The following ASAH1 variants were observed in gnomAD, a reference collection of about 807,000 sequenced individuals.
ASAH1 encodes the protein N-acylsphingosine amidohydrolase 1, also known as acid ceramidase.
ASAH1 carries 70 observed loss-of-function variants against 59.5 expected under a neutral mutation model. The ratio of observed to expected loss-of-function variants is 1.18; its 90% CI spans 0.97 to 1.43. The LOEUF is 1.43. ASAH1 is among the 40% of genes most tolerant of loss of function. ASAH1 has a pLI of 0.00. For missense variants in ASAH1, 660 were observed against 482.5 expected, an observed-to-expected ratio of 1.37 and a Z score of -3.45; for synonymous variants, 213 against 166.5, an observed-to-expected ratio of 1.28 and a Z score of -2.15.
rs1799463626 is a variant in ASAH1 at position 18,056,224 on chromosome 8, T to C, written c.*1310A>G. On this transcript the variant is annotated 3_prime_UTR_variant, in exon 14 of 14. Coordinates refer to ENST00000637790, the MANE Select transcript of ASAH1 (RefSeq NM_177924.5). ...AGCACCACCTATCTGGGGGAAAAAC[T>C]GCCTTTAAACACCTGCAAATTGGGT... 1 of 152,206 alleles carries C rather than the reference T, an allele frequency of 6.6e-6. No homozygotes were observed. The highest frequency in any genetic ancestry group is 1.5e-5 in the Non-Finnish European group (1 of 68,038). The allele number at this position is 152,206 out of a possible 1,614,324, so 9.4% of individuals were successfully genotyped here.
intron 2 of ASAH1, among the ~76,000 whole-genome samples, chr8:18,071,903 A>G (rs1800192871): frequency 6.6e-6 from 1 of 152,172 alleles, no homozygotes; most frequent in African/African-American, 2.4e-5. Context: ...AGCTTCAAGA[A>G]CCTTCATGAT....
rs35514556 is a variant in ASAH1 at position 18,075,736 on chromosome 8, T to C, written c.79-149A>G. On this transcript the variant is annotated intron_variant, in intron 1 of 13. Coordinates refer to ENST00000637790, the MANE Select transcript of ASAH1 (RefSeq NM_177924.5). ...AATGCCTCTTAAAATAAGTCTTTTC[T>C]TTCCAAGAAAACTTCTAAAATCCTA... The C allele has an allele frequency of 0.092, 64,866 of 701,680 alleles. 3,536 individuals carry two copies. Among genetic ancestry groups the C allele is most frequent in the African/African-American group, 0.14 (7,729 of 55,470 alleles). The allele number at this position is 701,680 out of a possible 1,614,324, so 43.5% of individuals were successfully genotyped here.
intron 1 of ASAH1, among the ~76,000 whole-genome samples, chr8:18,080,931 T>C (rs1427725950): frequency 6.6e-6 from 1 of 152,152 alleles, no homozygotes; most frequent in African/African-American, 2.4e-5. Context: ...CTTTGCCTAG[T>C]TCTCTTTTCT....
rs1799477590 is a variant in ASAH1 at position 18,056,549 on chromosome 8, A to G, written c.*985T>C. The stretch of plus-strand genomic sequence containing the variant: ...CTTGCACAAATGACGTACATTTCAC[A>G]GTTAATCGTGAAGGTTAGAAAGGTT... On this transcript the variant is annotated 3_prime_UTR_variant, in exon 14 of 14. Coordinates refer to ENST00000637790, the MANE Select transcript of ASAH1 (RefSeq NM_177924.5). 6.6e-6 allele frequency: 1 copy of G among 152,250 alleles called. No individual in the cohort carries two copies. The highest frequency in any genetic ancestry group is 1.9e-4 in the East Asian group (1 of 5,204). 9.4% of individuals were successfully genotyped at this position (152,250 alleles called of 1,614,324 possible).
intron 2 of ASAH1, among the ~76,000 whole-genome samples, chr8:18,071,940 C>T (rs1800194114): frequency 6.6e-6 from 1 of 152,204 alleles, no homozygotes; most frequent in Admixed American, 6.5e-5. Flanking sequence ...ATCTTCCCTA[C>T]TATATACCTC....
At chr8:18,075,475 A>G (rs1198528887) in intron 2 of ASAH1, 66 bp downstream of exon 2, 14 of 1,487,848 alleles carry the variant, frequency 9.4e-6, no homozygotes, top group Non-Finnish European at 1.3e-5. Flanking sequence ...TTTATGAGCA[A>G]TTATTACATA....
intron 8 of ASAH1, 121 bp from the exon 9 acceptor site, chr8:18,061,861 T>C: frequency 3.2e-6 from 3 of 939,206 alleles, no homozygotes; most frequent in South Asian, 2.8e-5. Flanking sequence ...AAGGCAAAAA[T>C]AAATCAAAAC....
At chr8:18,058,635 C>T in intron 13 of ASAH1, 200 bp downstream of exon 13, 1 of 597,908 alleles carries the variant, frequency 1.7e-6, no homozygotes. Context: ...ATATTCTGAC[C>T]TATCAAGCCT....
intron 10 of ASAH1, 190 bp from the exon 11 acceptor site, chr8:18,059,893 A>C: frequency 1.8e-6 from 1 of 552,520 alleles, no homozygotes; most frequent in Non-Finnish European, 3.1e-6. Context: ...CAAGCCCTAC[A>C]TGCATTAGGT....
intron 3 of ASAH1, 122 bp downstream of exon 3, chr8:18,071,178 G>T: frequency 2.2e-6 from 1 of 444,634 alleles, no homozygotes; most frequent in Non-Finnish European, 3.4e-6. Flanking sequence ...CTGCATTCCA[G>T]CCTGGGTGAC....
chr8:18,067,145 G>GACA, intron 5 of ASAH1, 75 bp downstream of exon 5: 1 of 703,874 alleles, frequency 1.4e-6, no homozygotes, highest in Non-Finnish European at 2.2e-6. Context: ...TGTGCTGTAT[G>GACA]TATATCACAC....
At chr8:18,082,108 A>T (rs955176712) in intron 1 of ASAH1, among the ~76,000 whole-genome samples, 3 of 152,230 alleles carry the variant, frequency 2.0e-5, no homozygotes, top group African/African-American at 7.2e-5. Flanking sequence ...TTAGTTTTGC[A>T]TTCTTATTTT....
chr8:18,062,931 C>A, intron 7 of ASAH1: 1 of 408,464 alleles, frequency 2.4e-6, no homozygotes, highest in Admixed American at 4.0e-5. Flanking sequence ...AGTGCAGTGG[C>A]GCGATCTCGG....
At chr8:18,083,934 C>A in intron 1 of ASAH1, 47 bp downstream of exon 1, 1 of 1,574,928 alleles carries the variant, frequency 6.3e-7, no homozygotes, top group South Asian at 1.1e-5. Flanking sequence ...TCCATCCGCG[C>A]CCGCACCTGC....
intron 8 of ASAH1, 35 bp from the exon 9 acceptor site, chr8:18,061,775 T>A (rs1799712909): frequency 6.5e-7 from 1 of 1,548,818 alleles, no homozygotes; most frequent in African/African-American, 1.4e-5. Flanking sequence ...GTCAGAAACA[T>A]CAACCATGCG....
intron 2 of ASAH1, among the ~76,000 whole-genome samples, chr8:18,074,493 A>T (rs1800306783): frequency 6.6e-6 from 1 of 152,194 alleles, no homozygotes; most frequent in Non-Finnish European, 1.5e-5. Context: ...ATGTTGCACG[A>T]ACTGAAAATG....
intron 2 of ASAH1, among the ~76,000 whole-genome samples, chr8:18,074,296 A>AAC (rs34482226): frequency 0.11 from 16,390 of 152,204 alleles, 977 homozygotes; most frequent in African/African-American, 0.15. Context: ...AGCTGGAATG[A>AAC]ACACTGGCCC....
At position 18,057,372 on chromosome 8, in the gene ASAH1, A is replaced by G; in HGVS notation, c.*162T>C. On this transcript the variant is annotated 3_prime_UTR_variant, in exon 14 of 14. Transcript: ENST00000637790. ...ATCAACTGATAGGGGGAAAAAAAAAAGATCTGTCATTTGTCAACAGATGGA... is the reference window on the plus strand; with the variant it reads ...ATCAACTGATAGGGGGAAAAAAAAAGGATCTGTCATTTGTCAACAGATGGA... 2.1e-6 allele frequency: 1 copy of G among 472,608 alleles called. No individual in the cohort carries two copies. Among genetic ancestry groups the G allele is most frequent in the Non-Finnish European group, 4.0e-6 (1 of 251,720 alleles). 29.3% of individuals were successfully genotyped at this position (472,608 alleles called of 1,614,324 possible). A position where few individuals can be genotyped will look rare whatever the true frequency, so the allele number is the denominator to read the frequency against.
Position 18,059,623 on chromosome 8 carries a change from C to G in ASAH1, c.866G>C (p.Gly289Ala). ...GTCTCGTGTAATCACACAACCTTCC[C>G]CAGACTGGTTGCCTCCCAGGATAAA... Reference protein sequence around the residue: ...AYFILGGNQSGEGCVITRDRK... With the variant: ...AYFILGGNQSAEGCVITRDRK... Residue 289 changes from glycine (G) to alanine (A), a missense_variant, in exon 11 of 14, where the codon GGG becomes GCG. Physicochemically the swap from Gly to Ala is moderately conservative, Grantham distance 60. Transcript: ENST00000637790. 6.2e-7 allele frequency: 1 copy of G among 1,614,190 alleles called. No homozygotes were observed. Among genetic ancestry groups the G allele is most frequent in the South Asian group, 1.1e-5 (1 of 91,086 alleles).
Sources: gnomAD v4.1 joint callset for allele counts (sites outside exome capture counted in the v4.1 genomes callset) on GRCh38, gnomAD v4.1.1 for gene constraint, MANE v1.5 for transcripts, NCBI Gene and HGNC (gene_info 2026-07-23, HGNC 2026-07-21) for gene names.